MGMT: variants seen among roughly 807,000 people sequenced by gnomAD.
MGMT encodes the protein O-6-methylguanine-DNA methyltransferase.
MGMT carries 14 observed loss-of-function variants against 15.9 expected under a neutral mutation model. The observed-to-expected ratio is 0.88, with a 90% confidence interval of 0.58 to 1.37. MGMT has a LOEUF of 1.37. Among genes scored for constraint, MGMT ranks in the 40% most tolerant of loss-of-function variants. MGMT has a pLI of 0.00. For synonymous variants in MGMT, 130 were observed against 118.2 expected (o/e 1.10, Z -0.65); for missense variants, 282 against 268.1 (o/e 1.05, Z -0.36).
chr10:129,641,948 T>C (rs1396105657), intron 2 of MGMT, among the ~76,000 whole-genome samples: 1 of 152,230 alleles, frequency 6.6e-6, no homozygotes, highest in Non-Finnish European at 1.5e-5. Flanking sequence ...AGGAGCAGCC[T>C]CTGGGGTTAA....
At chr10:129,531,942 A>G (rs1845937959) in intron 1 of MGMT, among the ~76,000 whole-genome samples, 1 of 152,214 alleles carries the variant, frequency 6.6e-6, no homozygotes, top group Non-Finnish European at 1.5e-5. Flanking sequence ...CCAGTTGGAT[A>G]TGGACAGGAG....
At chr10:129,708,177 C>A in intron 3 of MGMT, 134 bp downstream of exon 3, 1 of 1,256,952 alleles carries the variant, frequency 8.0e-7, no homozygotes, top group Non-Finnish European at 1.1e-6. Flanking sequence ...AGCGTTTGGC[C>A]GAGCTGGAGG....
chr10:129,759,440 C>A, intron 4 of MGMT, 99 bp downstream of exon 4: 1 of 1,566,586 alleles, frequency 6.4e-7, no homozygotes, highest in Non-Finnish European at 8.7e-7. Flanking sequence ...GCAGGCTGTG[C>A]TGCTGGGGTG....
intron 1 of MGMT, among the ~76,000 whole-genome samples, chr10:129,524,076 A>G (rs1845842890): frequency 1.3e-5 from 2 of 152,196 alleles, no homozygotes; most frequent in Non-Finnish European, 2.9e-5. Context: ...CTGTGTCCTG[A>G]TGACCTGGGA....
In MGMT at chr10:129,663,621, T is replaced by C. The variant is rs539277973; in HGVS notation, c.126-44274T>C. ...GGAAAAAAATGGGGAAACACAAATA[T>C]ATAAAATGAGAATGACAACAGGGAA... On this transcript the variant is annotated intron_variant, in intron 2 of 4. Transcript: ENST00000651593. Among the ~76,000 whole-genome samples, 295 of 152,214 alleles carry C rather than the reference T, an allele frequency of 1.9e-3. 1 individual carries two copies. The highest frequency in any genetic ancestry group is 6.2e-3 in the African/African-American group (258 of 41,550).
chr10:129,593,422 C>T (rs539734902), intron 2 of MGMT, among the ~76,000 whole-genome samples: 29 of 152,288 alleles, frequency 1.9e-4, no homozygotes, highest in African/African-American at 6.0e-4. Context: ...ACAGTGTGGC[C>T]GGCATCTGGT....
intron 2 of MGMT, among the ~76,000 whole-genome samples, chr10:129,577,581 G>A (rs56263599): frequency 1.3e-5 from 2 of 151,962 alleles, no homozygotes; most frequent in African/African-American, 4.8e-5. Context: ...ACCATAAAAA[G>A]CCTAGAAGAA....
chr10:129,717,548 G>C (rs762728233), intron 3 of MGMT: 1 of 152,150 alleles, frequency 6.6e-6, no homozygotes, highest in South Asian at 2.1e-4. Context: ...GATGCATTAA[G>C]CTTTTCATTT....
intron 2 of MGMT, among the ~76,000 whole-genome samples, chr10:129,674,594 G>C (rs1161229407): frequency 6.6e-6 from 1 of 152,240 alleles, no homozygotes; most frequent in African/African-American, 2.4e-5. Context: ...AAAACCAAGT[G>C]CAGTCCTGGA....
intron 1 of MGMT, among the ~76,000 whole-genome samples, chr10:129,484,812 T>A (rs1006312239): frequency 6.6e-6 from 1 of 152,132 alleles, no homozygotes; most frequent in Non-Finnish European, 1.5e-5. Context: ...AAAAAAAGGT[T>A]TTGTTAGGGC....
At chr10:129,759,434 G>T (rs991190162) in intron 4 of MGMT, 93 bp downstream of exon 4, 4 of 1,576,976 alleles carry the variant, frequency 2.5e-6, no homozygotes, top group Non-Finnish European at 2.6e-6. Flanking sequence ...CGGAAGGCAG[G>T]CTGTGCTGCT....
intron 1 of MGMT, among the ~76,000 whole-genome samples, chr10:129,523,237 C>T (rs973035049): frequency 3.2e-4 from 48 of 152,340 alleles, no homozygotes; most frequent in Admixed American, 2.9e-3. Flanking sequence ...GAGACCCGGG[C>T]CAGAGCCCTG....
chr10:129,520,927 G>A (rs1180437740), intron 1 of MGMT, among the ~76,000 whole-genome samples: 3 of 151,772 alleles, frequency 2.0e-5, no homozygotes, highest in Non-Finnish European at 4.4e-5. Flanking sequence ...CCCCTACGGT[G>A]CGGGTACACA....
intron 1 of MGMT, among the ~76,000 whole-genome samples, chr10:129,471,275 C>G (rs978899236): frequency 1.3e-5 from 2 of 152,136 alleles, no homozygotes; most frequent in Non-Finnish European, 2.9e-5. Flanking sequence ...GCCTTATTGA[C>G]GGATCAGGCA....
intron 2 of MGMT, among the ~76,000 whole-genome samples, chr10:129,611,264 C>T (rs1846956172): frequency 6.6e-6 from 1 of 152,196 alleles, no homozygotes; most frequent in African/African-American, 2.4e-5. Flanking sequence ...CAGACTTCTG[C>T]TTCTGGAGAG....
chr10:129,554,753 C>G (rs536467261), intron 2 of MGMT, among the ~76,000 whole-genome samples: 2 of 152,262 alleles, frequency 1.3e-5, no homozygotes, highest in South Asian at 4.2e-4. Context: ...TTTCCTAGCC[C>G]CTCCGTTCTT....
intron 2 of MGMT, among the ~76,000 whole-genome samples, chr10:129,555,397 AG>A (rs1158530690): frequency 6.6e-6 from 1 of 152,174 alleles, no homozygotes; most frequent in Non-Finnish European, 1.5e-5. Context: ...GGCCTAGCCC[AG>A]GGGGCACTCA....
At chr10:129,715,540 G>C (rs187942628) in intron 3 of MGMT, 223 of 152,186 alleles carry the variant, frequency 1.5e-3, no homozygotes, top group African/African-American at 5.2e-3. Context: ...GACATGTGCC[G>C]CTCCAAAAGA....
intron 2 of MGMT, among the ~76,000 whole-genome samples, chr10:129,668,648 A>G (rs1432043795): frequency 6.6e-6 from 1 of 152,174 alleles, no homozygotes; most frequent in African/African-American, 2.4e-5. Context: ...TTGTAGCTTT[A>G]TAACAAATTT....
Sources: gnomAD v4.1 joint callset for allele counts (sites outside exome capture counted in the v4.1 genomes callset) on GRCh38, gnomAD v4.1.1 for gene constraint, MANE v1.5 for transcripts, NCBI Gene and HGNC (gene_info 2026-07-23, HGNC 2026-07-21) for gene names.